The following FRMD3 variants were observed in gnomAD, a reference collection of about 807,000 sequenced individuals.
FRMD3 encodes the protein FERM domain containing 3, also known as FERM domain-containing protein 3.
In FRMD3, 33 loss-of-function variants were observed where a neutral mutation model predicts 70.2. That is an observed-to-expected ratio of 0.47 (90% CI 0.36 to 0.63). The LOEUF is 0.63. FRMD3 is among the 20% of genes least tolerant of loss of function. FRMD3 has a pLI of 0.00. For missense variants in FRMD3, 632 were observed against 711.4 expected (o/e 0.89, Z 1.27); for synonymous variants, 279 against 255.9 (o/e 1.09, Z -0.86).
chr9:83,580,521 A>C, the FRMD3 span, among the ~76,000 whole-genome samples: 1 of 152,160 alleles, frequency 6.6e-6, no homozygotes, highest in Non-Finnish European at 1.5e-5. Context: ...ACAGAAAAAC[A>C]CGTACCTCGT....
intron 1 of FRMD3, chr9:83,467,715 G>A (rs927987576): frequency 4.5e-5 from 69 of 1,532,730 alleles, no homozygotes; most frequent in Non-Finnish European, 5.8e-5. Context: ...CTGCCATCTC[G>A]TCTTCTGTCT....
chr9:83,467,177 TCTC>T (rs1828150590), intron 1 of FRMD3, among the ~76,000 whole-genome samples: 1 of 152,194 alleles, frequency 6.6e-6, no homozygotes, highest in South Asian at 2.1e-4. Context: ...TAAAAAGATT[TCTC>T]TTACAAATTA....
At chr9:83,508,682 A>G (rs142792718) in intron 1 of FRMD3, among the ~76,000 whole-genome samples, 17 of 152,142 alleles carry the variant, frequency 1.1e-4, no homozygotes, top group Non-Finnish European at 2.4e-4. Flanking sequence ...GAGACACCAC[A>G]GTGCCTGGTT....
At chr9:83,373,102 A>G in intron 2 of FRMD3, 147 bp from the exon 3 acceptor site, 2 of 667,708 alleles carry the variant, frequency 3.0e-6, no homozygotes, top group Admixed American at 5.3e-5. Flanking sequence ...ACCAACATAA[A>G]CAACTTGGCA....
intron 6 of FRMD3, among the ~76,000 whole-genome samples, chr9:83,323,211 C>A (rs1835870756): frequency 6.6e-6 from 1 of 151,982 alleles, no homozygotes; most frequent in Non-Finnish European, 1.5e-5. Context: ...CATGTTGCAC[C>A]AAGAAATAGA....
chr9:83,556,277 C>G, the FRMD3 span, among the ~76,000 whole-genome samples: 1 of 152,158 alleles, frequency 6.6e-6, no homozygotes, highest in Non-Finnish European at 1.5e-5. Flanking sequence ...ACATGGCCAC[C>G]TTCTGTGAAA....
At chr9:83,271,646 TG>T (rs1833555393) in intron 13 of FRMD3, among the ~76,000 whole-genome samples, 1 of 152,206 alleles carries the variant, frequency 6.6e-6, no homozygotes, top group Admixed American at 6.5e-5. Context: ...ATAACTTACA[TG>T]AACAAAACCC....
chr9:83,271,458 C>A (rs1419026997), intron 13 of FRMD3, among the ~76,000 whole-genome samples: 1 of 151,998 alleles, frequency 6.6e-6, no homozygotes, highest in Non-Finnish European at 1.5e-5. Flanking sequence ...GGGGTATATT[C>A]TTGGGTATAC....
rs1484682335 is a variant in FRMD3, at chr9:83,245,517, G to A, written c.*2401C>T. The A allele has an allele frequency of 8.2e-6, 8 of 977,442 alleles. No homozygotes were observed. Among genetic ancestry groups the A allele is most frequent in the Non-Finnish European group, 9.7e-6 (8 of 822,738 alleles). The allele number at this position is 977,442 out of a possible 1,614,324, so 60.5% of individuals were successfully genotyped here. On this transcript the variant is annotated 3_prime_UTR_variant, in exon 14 of 14. Transcript: ENST00000304195. ...AATGAAGTTTCCACCTAAGAGAAAA[G>A]AGATGTTAGCTGGAAATGTTAAAAT...
At chr9:83,295,296 T>G (rs1834615154) in intron 12 of FRMD3, among the ~76,000 whole-genome samples, 1 of 152,162 alleles carries the variant, frequency 6.6e-6, no homozygotes, top group Non-Finnish European at 1.5e-5. Flanking sequence ...TAAAAGATGC[T>G]TATATAGGCA....
intron 1 of FRMD3, among the ~76,000 whole-genome samples, chr9:83,415,633 T>TTTG (rs1826416378): frequency 1.4e-5 from 2 of 146,676 alleles, no homozygotes; most frequent in African/African-American, 5.1e-5. Context: ...TTTTTTTTTT[T>TTTG]GGATTTTTAC....
chr9:83,365,697 G>T lies in FRMD3; in HGVS notation c.295+7216C>A, dbSNP rs912475416. Among the ~76,000 whole-genome samples the T allele has an allele frequency of 9.9e-5, 15 of 152,192 alleles. No individual in the cohort carries two copies. The East Asian group carries it at 2.9e-3, about 29-fold the overall frequency. On this transcript the variant is annotated intron_variant, in intron 3 of 13. Coordinates refer to ENST00000304195, the MANE Select transcript of FRMD3 (RefSeq NM_174938.6). Reference sequence around the variant, plus strand: ...GGGGCAAGATAAAAGGAACCCCAGGGTAGTTGCAGGAAACTCTTCTGTGTG... The same window carrying T: ...GGGGCAAGATAAAAGGAACCCCAGGTTAGTTGCAGGAAACTCTTCTGTGTG...
chr9:83,518,397 A>G (rs1320960614), intron 1 of FRMD3, among the ~76,000 whole-genome samples: 1 of 152,162 alleles, frequency 6.6e-6, no homozygotes, highest in Non-Finnish European at 1.5e-5. Context: ...CAATTGCTAC[A>G]AAGAAAATAA....
intron 13 of FRMD3, among the ~76,000 whole-genome samples, chr9:83,258,740 A>G (rs571744851): frequency 6.6e-6 from 1 of 152,204 alleles, no homozygotes; most frequent in Non-Finnish European, 1.5e-5. Flanking sequence ...CCTATGTGAA[A>G]TCTGCCACTG....
rs1454380054 is a variant in FRMD3 at position 83,248,011 on chromosome 9, C to G, written c.1701G>C (p.Glu567Asp). The G allele has an allele frequency of 6.2e-7, 1 of 1,614,184 alleles. No homozygotes were observed. The highest frequency in any genetic ancestry group is 1.7e-5 in the Admixed American group (1 of 60,022). Residue 567 changes from glutamate (E) to aspartate (D), a missense_variant, in exon 14 of 14, where the codon GAG becomes GAC. Glu to Asp is a conservative substitution (Grantham distance 45). Coordinates refer to ENST00000304195, the MANE Select transcript of FRMD3 (RefSeq NM_174938.6). ...AGTATTCATAGTGAAACTGCTCAAA[C>G]TCTGGTGTCTGGCGGATTTCGCATA... ...SFLCEIRQTP[E>D]FEQFHYEYYC...
chr9:83,541,745 C>T (rs1195586924), upstream of FRMD3, among the ~76,000 whole-genome samples: 3 of 152,090 alleles, frequency 2.0e-5, no homozygotes, highest in South Asian at 2.1e-4. Context: ...AGCAGTGGTA[C>T]CCAAGTAGAC....
At chr9:83,370,804 T>G (rs1395559274) in intron 3 of FRMD3, among the ~76,000 whole-genome samples, 2 of 152,120 alleles carry the variant, frequency 1.3e-5, no homozygotes, top group African/African-American at 4.8e-5. Context: ...TCTAGCTATC[T>G]GGGAGGCTGA....
At position 83,467,743 on chromosome 9, in the gene FRMD3, C is replaced by G. The variant is rs939406877; in HGVS notation, c.147+70342G>C. The G allele has an allele frequency of 1.7e-5, 26 of 1,513,794 alleles. No individual in the cohort carries two copies. In the African/African-American group the frequency reaches 3.5e-4, roughly 20 times the overall value. The allele number at this position is 1,513,794 out of a possible 1,614,324, so 93.8% of individuals were successfully genotyped here. A position where few individuals can be genotyped will look rare whatever the true frequency, so the allele number is the denominator to read the frequency against. On this transcript the variant is annotated intron_variant, in intron 1 of 13. Transcript: ENST00000304195. The stretch of plus-strand genomic sequence containing the variant: ...TTCTGTCTCTGGGAGCTCTAGGGCT[C>G]CAATCTAAGCTCGCTGCAGTTTGAA...
In FRMD3 at chr9:83,528,765, C is replaced by T. The variant is rs146691013; in HGVS notation, c.147+9320G>A. Among the ~76,000 whole-genome samples the T allele has an allele frequency of 4.4e-3, 667 of 152,228 alleles. 3 individuals carry two copies. The highest frequency in any genetic ancestry group is 0.015 in the African/African-American group (632 of 41,540). On this transcript the variant is annotated intron_variant, in intron 1 of 13. Transcript: ENST00000304195. ...CTGGTCTCAAGCTCCTGGGCTCATG[C>T]AATCTGCTCACTTCGGCCTCCCAAA... is the stretch of plus-strand genomic sequence containing the variant.
Sources: allele counts gnomAD v4.1 joint callset (sites outside exome capture counted in the v4.1 genomes callset), GRCh38; gene constraint gnomAD v4.1.1; transcripts MANE v1.5; gene names NCBI Gene and HGNC (gene_info 2026-07-23, HGNC 2026-07-21).